The following FNBP1 variants were observed in gnomAD, a reference collection of about 807,000 sequenced individuals.
FNBP1 encodes formin binding protein 1.
Under a neutral mutation model 90.6 loss-of-function variants are expected in FNBP1, and 26 were observed. That is an observed-to-expected ratio of 0.29 (90% confidence interval 0.21 to 0.40). FNBP1 has a LOEUF of 0.40. FNBP1 is among the 10% of genes least tolerant of loss of function. The pLI is 1.00. For missense variants in FNBP1, 635 were observed against 768.0 expected (o/e 0.83, Z 2.05); for synonymous variants, 260 against 265.2 (o/e 0.98, Z 0.19).
the FNBP1 span, among the ~76,000 whole-genome samples, chr9:130,051,938 T>C: frequency 6.6e-6 from 1 of 152,220 alleles, no homozygotes; most frequent in Non-Finnish European, 1.5e-5. Flanking sequence ...AAGTGTAATG[T>C]CCCTTTGAAA....
At chr9:130,025,178 T>C (rs2058226559) in intron 1 of FNBP1, among the ~76,000 whole-genome samples, 1 of 150,174 alleles carries the variant, frequency 6.7e-6, no homozygotes, top group Non-Finnish European at 1.5e-5. Flanking sequence ...AGACTCTATC[T>C]CAAAAAAAAA....
chr9:129,995,555 A>C (rs2053862202), intron 1 of FNBP1, among the ~76,000 whole-genome samples: 1 of 152,318 alleles, frequency 6.6e-6, no homozygotes, highest in African/African-American at 2.4e-5. Flanking sequence ...CTGGAAGAAC[A>C]AGAGGGAGCC....
chr9:130,039,254 A>G (rs1418840971), intron 1 of FNBP1, among the ~76,000 whole-genome samples: 2 of 152,276 alleles, frequency 1.3e-5, no homozygotes, highest in Non-Finnish European at 2.9e-5. Flanking sequence ...CAACAGATTC[A>G]GACTGGTGTC....
chr9:129,975,309 T>C (rs1481464228), intron 4 of FNBP1, among the ~76,000 whole-genome samples: 1 of 152,210 alleles, frequency 6.6e-6, no homozygotes, highest in Non-Finnish European at 1.5e-5. Flanking sequence ...TTCATGATTT[T>C]CTAAAATGTC....
At chr9:130,006,669 C>G (rs1456510026) in intron 1 of FNBP1, among the ~76,000 whole-genome samples, 1 of 151,772 alleles carries the variant, frequency 6.6e-6, no homozygotes, top group Non-Finnish European at 1.5e-5. Context: ...GACTTCGTCT[C>G]AAATAAGTAA....
chr9:129,965,287 C>T (rs1434430240), intron 4 of FNBP1, among the ~76,000 whole-genome samples: 1 of 152,138 alleles, frequency 6.6e-6, no homozygotes, highest in Admixed American at 6.5e-5. Flanking sequence ...CTTATTTTTC[C>T]AAGTTTATCC....
At chr9:130,047,490 G>A (rs2060067065), upstream of FNBP1, among the ~76,000 whole-genome samples, 1 of 152,200 alleles carries the variant, frequency 6.6e-6, no homozygotes, top group Non-Finnish European at 1.5e-5. Flanking sequence ...GCGCACGCCT[G>A]TAGTCCCAGC....
At chr9:129,965,732 AAAAAG>A (rs970079162) in intron 4 of FNBP1, among the ~76,000 whole-genome samples, 4 of 147,306 alleles carry the variant, frequency 2.7e-5, no homozygotes, top group African/African-American at 5.0e-5. Flanking sequence ...ACATAGAAAG[AAAAAG>A]AAAAGAAGAA....
At chr9:129,903,506 A>G (rs1207712118) in intron 12 of FNBP1, among the ~76,000 whole-genome samples, 4 of 152,128 alleles carry the variant, frequency 2.6e-5, no homozygotes, top group Non-Finnish European at 4.4e-5. Context: ...ATAAATAAAG[A>G]AGCTGATTTT....
intron 6 of FNBP1, among the ~76,000 whole-genome samples, chr9:129,945,668 A>C (rs1181767928): frequency 7.2e-5 from 11 of 152,226 alleles, no homozygotes; most frequent in Non-Finnish European, 1.3e-4. Context: ...AGCCAACTCC[A>C]TCCTGTTGGC....
Position 129,957,437 on chromosome 9 carries a change from T to G in FNBP1, c.436A>C (p.Lys146Gln). The G allele has an allele frequency of 6.2e-7, 1 of 1,613,792 alleles. No individual in the cohort carries two copies. Among genetic ancestry groups the G allele is most frequent in the Non-Finnish European group, 8.5e-7 (1 of 1,179,718 alleles). ...TACTGCTGCGCCCTGTCCGCCTCTT[T>G]GCAATCGCGTTCAAATCGCCTTTTA... is the stretch of plus-strand genomic sequence containing the variant. ...SSKRRFERDC[K>Q]EADRAQQYFE... Residue 146 changes from lysine (K) to glutamine (Q), a missense_variant, in exon 6 of 17, where the codon AAA becomes CAA. Physicochemically the swap from Lys to Gln is moderately conservative, Grantham distance 53 (BLOSUM62 1). Coordinates refer to ENST00000446176, the MANE Select transcript of FNBP1 (RefSeq NM_015033.3). This position sits in a 1 kb window ranked among gnomAD's most constrained non-coding sequence, Gnocchi z 4.3.
intron 1 of FNBP1, among the ~76,000 whole-genome samples, chr9:130,000,982 G>A (rs2054746397): frequency 6.6e-6 from 1 of 152,140 alleles, no homozygotes; most frequent in Non-Finnish European, 1.5e-5. Context: ...TTAGTAAAAT[G>A]AATAATCTTC....
chr9:130,046,135 A>G (rs866447598), upstream of FNBP1, among the ~76,000 whole-genome samples: 6 of 152,134 alleles, frequency 3.9e-5, no homozygotes, highest in Non-Finnish European at 7.3e-5. Context: ...TAAAATCCTT[A>G]AAAACCCCAA....
chr9:130,035,110 C>G (rs1415691491), intron 1 of FNBP1, among the ~76,000 whole-genome samples: 1 of 152,190 alleles, frequency 6.6e-6, no homozygotes, highest in Non-Finnish European at 1.5e-5. Flanking sequence ...GATCGTGCCA[C>G]TGCACCCCAG....
chr9:129,922,354 T>G (rs1179960782), intron 10 of FNBP1, among the ~76,000 whole-genome samples: 1 of 152,212 alleles, frequency 6.6e-6, no homozygotes, highest in African/African-American at 2.4e-5. Context: ...CGGACTTCAA[T>G]CTTAATAACA....
At chr9:129,967,965 T>G (rs2048869798) in intron 4 of FNBP1, among the ~76,000 whole-genome samples, 1 of 152,126 alleles carries the variant, frequency 6.6e-6, no homozygotes, top group Admixed American at 6.6e-5. Context: ...GCCTCAGCCT[T>G]TCAGGTAGCT....
intron 4 of FNBP1, among the ~76,000 whole-genome samples, chr9:129,976,337 G>A (rs2050302260): frequency 1.3e-5 from 2 of 152,146 alleles, no homozygotes; most frequent in Non-Finnish European, 1.5e-5. Flanking sequence ...AACCAAAAGT[G>A]TCTCCAGACA....
intron 2 of FNBP1, among the ~76,000 whole-genome samples, chr9:129,982,602 G>A (rs528719443): frequency 1.7e-3 from 265 of 152,310 alleles, no homozygotes; most frequent in African/African-American, 6.0e-3. Flanking sequence ...TTGGAAAAAC[G>A]TAGTGGCTGC....
In FNBP1 at chr9:129,887,542, CTT is replaced by C. The variant is rs1443141520; in HGVS notation, c.*2995_*2996del. The C allele has an allele frequency of 9.5e-6, 2 of 209,846 alleles. No individual in the cohort carries two copies. Among genetic ancestry groups the C allele is most frequent in the Non-Finnish European group, 1.9e-5 (2 of 103,436 alleles). 13.0% of individuals were successfully genotyped at this position (209,846 alleles called of 1,614,324 possible). A position where few individuals can be genotyped will look rare whatever the true frequency, so the allele number is the denominator to read the frequency against. On this transcript the variant is annotated 3_prime_UTR_variant, in exon 17 of 17. Transcript: ENST00000446176. Reference sequence around the variant, plus strand: ...ACGTCACTTTTTGACGTCGTGTAAACTTTCTTCTGCAATGACGGATGTTACCA... The same window carrying C: ...ACGTCACTTTTTGACGTCGTGTAAACTCTTCTGCAATGACGGATGTTACCA...
Sources: allele counts gnomAD v4.1 joint callset (sites outside exome capture counted in the v4.1 genomes callset), GRCh38; gene constraint gnomAD v4.1.1; non-coding constraint Gnocchi (gnomAD v3.1); transcripts MANE v1.5; gene names NCBI Gene and HGNC (gene_info 2026-07-23, HGNC 2026-07-21).